AMMECR1: variants seen among roughly 807,000 people sequenced by gnomAD.
AMMECR1 encodes AMMECR nuclear protein 1, also known as nuclear protein AMMECR1.
In AMMECR1, 3 loss-of-function variants were observed where a neutral mutation model predicts 22.5. That is an observed-to-expected ratio of 0.13 (90% CI 0.06 to 0.35). The LOEUF (loss-of-function observed/expected upper bound fraction) is 0.35, where lower values mean the gene tolerates loss of function less well. Among genes scored for constraint, AMMECR1 ranks in the 10% least tolerant of loss-of-function variants. AMMECR1 has a pLI of 1.00. For missense variants in AMMECR1, 235 were observed against 278.7 expected, an observed-to-expected ratio of 0.84 and a Z score of 1.12; for synonymous variants, 130 against 116.7, an observed-to-expected ratio of 1.11 and a Z score of -0.74.
chrX:110,335,340 G>A lies in AMMECR1; in HGVS notation c.-147-17491C>T, dbSNP rs192799226. Among the ~76,000 whole-genome samples the A allele has an allele frequency of 4.9e-3, 547 of 111,100 alleles. 3 individuals carry two copies. The highest frequency in any genetic ancestry group is 9.3e-3 in the Middle Eastern group (2 of 216). ...TGCTGGCAAGTCAGACGATCACTAG[G>A]AAATGCCATCTGGGAAAAAAATGCC... On this transcript the variant is annotated intron_variant, in intron 2 of 7. Transcript: ENST00000372057.
At chrX:110,300,619 G>A (rs187872442) in intron 1 of AMMECR1, among the ~76,000 whole-genome samples, 1 of 112,176 alleles carries the variant, frequency 8.9e-6, no homozygotes, top group Admixed American at 9.4e-5. Context: ...GGAATTGAGA[G>A]TTGCCGTAAG....
intron 2 of AMMECR1, among the ~76,000 whole-genome samples, chrX:110,387,857 CTTTTT>C (rs57937918): frequency 1.2e-5 from 1 of 82,808 alleles, no homozygotes; most frequent in African/African-American, 5.3e-5. Context: ...CTCCCTCTCT[CTTTTT>C]TTTTTTTTTT....
chrX:110,282,910 A>G (rs1297600690), intron 1 of AMMECR1, among the ~76,000 whole-genome samples: 1 of 111,829 alleles, frequency 8.9e-6, no homozygotes, highest in African/African-American at 3.3e-5. Flanking sequence ...TGCCCAAGAC[A>G]CTGTTAATAT....
At chrX:110,348,649 A>T (rs2068199805) in intron 2 of AMMECR1, among the ~76,000 whole-genome samples, 1 of 112,486 alleles carries the variant, frequency 8.9e-6, no homozygotes, top group South Asian at 3.6e-4. Flanking sequence ...ATTTTTATTC[A>T]AATGGAAAGA....
At chrX:110,336,389 A>T (rs2068141384) in intron 2 of AMMECR1, among the ~76,000 whole-genome samples, 1 of 110,755 alleles carries the variant, frequency 9.0e-6, no homozygotes, top group Non-Finnish European at 1.9e-5. Context: ...GTATTTTTTT[A>T]AAAAAACATC....
At chrX:110,379,894 T>C (rs980919636) in intron 2 of AMMECR1, among the ~76,000 whole-genome samples, 9 of 111,840 alleles carry the variant, frequency 8.0e-5, no homozygotes, top group African/African-American at 2.9e-4. Context: ...TGTAGATGTA[T>C]CTATATATAT....
chrX:110,229,461 C>T (rs1488743881), intron 2 of AMMECR1, among the ~76,000 whole-genome samples: 1 of 112,203 alleles, frequency 8.9e-6, no homozygotes, highest in Non-Finnish European at 1.9e-5. Flanking sequence ...CTGTACTATG[C>T]TACATATTAG....
intron 2 of AMMECR1, among the ~76,000 whole-genome samples, chrX:110,385,473 A>G (rs1602954846): frequency 9.0e-6 from 1 of 111,386 alleles, no homozygotes; most frequent in Non-Finnish European, 1.9e-5. Flanking sequence ...CATTACCCCA[A>G]AAAGGAATCT....
In AMMECR1 at chrX:110,194,667, T is replaced by C. The variant is rs887359926; in HGVS notation, c.*3853A>G. 4.5e-5 allele frequency: 5 copies of C among 112,209 alleles called. No homozygotes were observed. The highest frequency in any genetic ancestry group is 1.6e-4 in the African/African-American group (5 of 30,879). The allele number at this position is 112,209 out of a possible 1,213,427, so 9.2% of individuals were successfully genotyped here. On this transcript the variant is annotated 3_prime_UTR_variant, in exon 6 of 6. Transcript: ENST00000262844. ...AGTAATCAACTTTGATATACAAAAG[T>C]AGTCAGAGGTGGTTACAAAAGTTTG...
intron 2 of AMMECR1, among the ~76,000 whole-genome samples, chrX:110,327,511 A>G (rs1002664581): frequency 4.6e-4 from 51 of 111,736 alleles, no homozygotes; most frequent in African/African-American, 1.6e-3. Context: ...TTGCAATAAC[A>G]TGAGTAGTTT....
chrX:110,346,177 C>G (rs963280822), intron 2 of AMMECR1, among the ~76,000 whole-genome samples: 20 of 111,883 alleles, frequency 1.8e-4, no homozygotes, highest in African/African-American at 6.5e-4. Flanking sequence ...CATAAAAAAT[C>G]AAATGGTAGT....
intron 1 of AMMECR1, among the ~76,000 whole-genome samples, chrX:110,265,701 G>C (rs1047653492): frequency 7.1e-5 from 8 of 112,002 alleles, no homozygotes; most frequent in African/African-American, 2.3e-4. Context: ...AGTAATACTG[G>C]AATAATGCAT....
chrX:110,265,996 T>C (rs996888189), intron 1 of AMMECR1, among the ~76,000 whole-genome samples: 4 of 111,634 alleles, frequency 3.6e-5, no homozygotes, highest in African/African-American at 1.3e-4. Context: ...AAATGTCCAG[T>C]GGCATTCAAA....
chrX:110,348,487 A>G (rs1257118136), intron 2 of AMMECR1, among the ~76,000 whole-genome samples: 1 of 112,206 alleles, frequency 8.9e-6, no homozygotes, highest in African/African-American at 3.2e-5. Flanking sequence ...TACATACTAC[A>G]TTGTTAAACA....
At chrX:110,272,778 T>C (rs1459697668) in intron 1 of AMMECR1, among the ~76,000 whole-genome samples, 3 of 112,313 alleles carry the variant, frequency 2.7e-5, no homozygotes, top group African/African-American at 3.2e-5. Flanking sequence ...TTTGGCTGTT[T>C]CTTAATTTAC....
chrX:110,229,858 G>A (rs193275433), intron 2 of AMMECR1, among the ~76,000 whole-genome samples: 233 of 112,758 alleles, frequency 2.1e-3, no homozygotes, highest in African/African-American at 6.0e-3. Flanking sequence ...ATTCTCTCCC[G>A]TGCCTGGCTC....
intron 2 of AMMECR1, among the ~76,000 whole-genome samples, chrX:110,384,067 T>C (rs1418966652): frequency 1.8e-5 from 2 of 112,350 alleles, no homozygotes; most frequent in Non-Finnish European, 3.8e-5. Flanking sequence ...TATTGTTTTA[T>C]TGTTATCGTA....
At chrX:110,396,448 G>A (rs1281299123) in intron 2 of AMMECR1, among the ~76,000 whole-genome samples, 2 of 111,089 alleles carry the variant, frequency 1.8e-5, no homozygotes, top group Non-Finnish European at 3.8e-5. Context: ...CCCCCCCATC[G>A]CCAAACTAAC....
intron 3 of AMMECR1, among the ~76,000 whole-genome samples, chrX:110,207,600 T>C (rs1174621480): frequency 9.0e-6 from 1 of 111,322 alleles, no homozygotes. Flanking sequence ...TCCTCACAGT[T>C]GTTACTCTGC....
Sources: allele counts gnomAD v4.1 joint callset (sites outside exome capture counted in the v4.1 genomes callset), GRCh38; gene constraint gnomAD v4.1.1; transcripts MANE v1.5; gene names NCBI Gene and HGNC (gene_info 2026-07-23, HGNC 2026-07-21).